The following FAM83F variants were observed in gnomAD, a reference collection of about 807,000 sequenced individuals.
FAM83F encodes scaffolding CK1 anchoring protein F.
FAM83F carries 45 observed loss-of-function variants against 42.9 expected under a neutral mutation model. The ratio of observed to expected loss-of-function variants is 1.05; its 90% CI spans 0.83 to 1.35. The LOEUF (loss-of-function observed/expected upper bound fraction) is 1.35, where lower values mean the gene tolerates loss of function less well. Among genes scored for constraint, FAM83F ranks in the 40% most tolerant of loss-of-function variants. The pLI, the probability that FAM83F is intolerant of heterozygous loss-of-function variation, is 0.00. For missense variants in FAM83F, 617 were observed against 695.9 expected (o/e 0.89, Z 1.28); for synonymous variants, 306 against 298.3 (o/e 1.03, Z -0.27).
chr22:40,008,684 A>G (rs1033763214), intron 1 of FAM83F, among the ~76,000 whole-genome samples: 2 of 152,212 alleles, frequency 1.3e-5, no homozygotes, highest in Non-Finnish European at 2.9e-5. Context: ...CCTTTGCTGA[A>G]TTCGAGTCTT....
At chr22:40,026,497 G>A (rs1341402729) in intron 4 of FAM83F, among the ~76,000 whole-genome samples, 1 of 152,152 alleles carries the variant, frequency 6.6e-6, no homozygotes, top group Non-Finnish European at 1.5e-5. Flanking sequence ...TCCAGCCTGG[G>A]TGACACAGTA....
At chr22:40,014,318 C>T (rs2067483328) in intron 1 of FAM83F, among the ~76,000 whole-genome samples, 1 of 151,574 alleles carries the variant, frequency 6.6e-6, no homozygotes, top group Non-Finnish European at 1.5e-5. Flanking sequence ...AAGGAAGATC[C>T]CTCTTATTCC....
Position 40,029,787 on chromosome 22 carries a change from T to C in FAM83F, c.*222T>C, listed in dbSNP as rs1309561548. Reference sequence around the variant, plus strand: ...CGGACTGTCGGTGGCTGGGCAGGGGTCAGTGCCACGGCCTCCTTGTTTACA... The same window carrying C: ...CGGACTGTCGGTGGCTGGGCAGGGGCCAGTGCCACGGCCTCCTTGTTTACA... On this transcript the variant is annotated 3_prime_UTR_variant, in exon 5 of 5. Coordinates refer to ENST00000333407, the MANE Select transcript of FAM83F (RefSeq NM_138435.4). The C allele has an allele frequency of 1.0e-5, 6 of 592,326 alleles. No homozygotes were observed. In the African/African-American group the frequency reaches 1.1e-4, roughly 11 times the overall value. The allele number at this position is 592,326 out of a possible 1,614,324, so 36.7% of individuals were successfully genotyped here. A position where few individuals can be genotyped will look rare whatever the true frequency, so the allele number is the denominator to read the frequency against.
intron 1 of FAM83F, among the ~76,000 whole-genome samples, chr22:40,013,088 A>C (rs1171075188): frequency 6.7e-6 from 1 of 149,278 alleles, no homozygotes; most frequent in Non-Finnish European, 1.5e-5. Context: ...GTTTCAAAAA[A>C]AAAAAAAAAA....
Position 40,021,671 on chromosome 22 carries a change from C to T in FAM83F, c.1161C>T (p.Pro387=), listed in dbSNP as rs776961253. 1.1e-5 allele frequency: 17 copies of T among 1,610,750 alleles called. No homozygotes were observed. The highest frequency in any genetic ancestry group is 5.3e-5 in the African/African-American group (4 of 74,874). ...TTACGGTGGAGCAGGTGCTGCCCCCCGTGGAGCCCATCCCCTTGGGAGAGC... is the reference window on the plus strand; with the variant it reads ...TTACGGTGGAGCAGGTGCTGCCCCCTGTGGAGCCCATCCCCTTGGGAGAGC... ...DLVTVEQVLP[P]VEPIPLGELS... Residue 387 remains proline (P), a synonymous_variant, in exon 4 of 5, where the codon CCC becomes CCT. Transcript: ENST00000333407. This position sits in a 1 kb window ranked among gnomAD's most constrained non-coding sequence, Gnocchi z 8.7.
Position 40,029,536 on chromosome 22 carries a change from G to C in FAM83F, c.1474G>C (p.Ala492Pro), listed in dbSNP as rs1443885988. The change falls in exon 5 of 5, where the codon GCC (alanine) becomes CCC (proline). Residue 492 changes from alanine (A) to proline (P), a missense_variant. Transcript: ENST00000333407. ...TGCAGGTAAAACAAGTCCCAGTTCT[G>C]CCAAGCCTAGCAACTGTGTGATTTC... ...DISGKTSPSS[A>P]KPSNCVIS 6.2e-7 allele frequency: 1 copy of C among 1,612,556 alleles called. No homozygotes were observed. Among genetic ancestry groups the C allele is most frequent in the Non-Finnish European group, 8.5e-7 (1 of 1,179,364 alleles).
At chr22:40,004,470 T>A (rs1257987357) in intron 1 of FAM83F, among the ~76,000 whole-genome samples, 1 of 151,974 alleles carries the variant, frequency 6.6e-6, no homozygotes, top group Non-Finnish European at 1.5e-5. Flanking sequence ...ACCTGGCTAA[T>A]TTTTGTATTT....
In FAM83F at chr22:40,004,529, C is replaced by G. The variant is rs2067418539; in HGVS notation, c.489+8998C>G. Among the ~76,000 whole-genome samples the G allele has an allele frequency of 2.6e-5, 4 of 152,116 alleles. No homozygotes were observed. In the South Asian group the frequency reaches 6.2e-4, roughly 24 times the overall value. On this transcript the variant is annotated intron_variant, in intron 1 of 4. Coordinates refer to ENST00000333407, the MANE Select transcript of FAM83F (RefSeq NM_138435.4). ...TGTTGCCCAGGCTGGCCTTGAACTC[C>G]TGACTTCAGGTGATCCACCCGTCTC...
intron 1 of FAM83F, among the ~76,000 whole-genome samples, chr22:40,015,674 G>A (rs2067488996): frequency 6.6e-6 from 1 of 152,186 alleles, no homozygotes; most frequent in Non-Finnish European, 1.5e-5. Context: ...TTCTCTGGGT[G>A]CCAAAGGCTT....
chr22:40,041,569 T>C lies in FAM83F; in HGVS notation c.*12004T>C, dbSNP rs1352070518. 6.6e-6 allele frequency: 1 copy of C among 152,180 alleles called. No homozygotes were observed. Among genetic ancestry groups the C allele is most frequent in the Non-Finnish European group, 1.5e-5 (1 of 68,036 alleles). 9.4% of individuals were successfully genotyped at this position (152,180 alleles called of 1,614,324 possible). On this transcript the variant is annotated 3_prime_UTR_variant, in exon 5 of 5. Coordinates refer to ENST00000333407, the MANE Select transcript of FAM83F (RefSeq NM_138435.4). Reference sequence around the variant, plus strand: ...AACCCATCTTCTCCACAATAAATATTTGATTGACAGATTGGCTTCCTTCCT... The same window carrying C: ...AACCCATCTTCTCCACAATAAATATCTGATTGACAGATTGGCTTCCTTCCT...
At position 40,032,027 on chromosome 22, in the gene FAM83F, C is replaced by T. The variant is rs565382445; in HGVS notation, c.*2462C>T. On this transcript the variant is annotated 3_prime_UTR_variant, in exon 5 of 5. Coordinates refer to ENST00000333407, the MANE Select transcript of FAM83F (RefSeq NM_138435.4). ...ATCTCAAGGGTACATCTGGCCCTCC[C>T]AGTTGGATGGCAAGTTCAAGGGTGG... 1.0e-4 allele frequency: 16 copies of T among 152,482 alleles called. No homozygotes were observed. The highest frequency in any genetic ancestry group is 9.8e-4 in the Admixed American group (15 of 15,300). The allele number at this position is 152,482 out of a possible 1,614,324, so 9.4% of individuals were successfully genotyped here.
chr22:40,011,137 G>A (rs1313028390), intron 1 of FAM83F, among the ~76,000 whole-genome samples: 1 of 152,178 alleles, frequency 6.6e-6, no homozygotes, highest in Non-Finnish European at 1.5e-5. Flanking sequence ...TATGTCCTCA[G>A]ACATCTTTGT....
intron 4 of FAM83F, 33 bp from the exon 5 acceptor site, chr22:40,029,483 A>G (rs1336156195): frequency 1.9e-6 from 3 of 1,597,076 alleles, no homozygotes; most frequent in East Asian, 2.3e-5. Flanking sequence ...TTTCACTTAC[A>G]TCCTTCCCCG....
At chr22:40,001,426 C>CT (rs1465620645) in intron 1 of FAM83F, among the ~76,000 whole-genome samples, 3 of 152,112 alleles carry the variant, frequency 2.0e-5, no homozygotes, top group Non-Finnish European at 4.4e-5. Context: ...ATCGCTTGAG[C>CT]TGAAGAATTT....
chr22:40,003,813 C>T (rs574578265), intron 1 of FAM83F, among the ~76,000 whole-genome samples: 72 of 152,230 alleles, frequency 4.7e-4, no homozygotes, highest in African/African-American at 1.7e-3. Context: ...ATATGCACGC[C>T]GGGGCACAGC....
At position 39,995,507 on chromosome 22, in the gene FAM83F, G is replaced by A. The variant is rs773314476; in HGVS notation, c.465G>A (p.Arg155=). ...CGCCGCACCTCAAGCAGGTGGTCAGGCAGATGATCCAACAGGCCCAGAAGG... is the reference window on the plus strand; with the variant it reads ...CGCCGCACCTCAAGCAGGTGGTCAGACAGATGATCCAACAGGCCCAGAAGG... The part of the protein sequence containing the change: ...EKAPHLKQVV[R]QMIQQAQKVI... Residue 155 remains arginine, a synonymous_variant, in exon 1 of 5, where the codon AGG becomes AGA. Coordinates refer to ENST00000333407, the MANE Select transcript of FAM83F (RefSeq NM_138435.4). The surrounding 1 kb of genome is among the most constrained non-coding windows in gnomAD (Gnocchi z 4.6). The A allele has an allele frequency of 3.2e-6, 5 of 1,574,848 alleles. No homozygotes were observed. Among genetic ancestry groups the A allele is most frequent in the Admixed American group, 1.8e-5 (1 of 55,552 alleles).
chr22:40,029,298 G>T (rs1353792330), intron 4 of FAM83F, among the ~76,000 whole-genome samples: 1 of 152,126 alleles, frequency 6.6e-6, no homozygotes, highest in Admixed American at 6.6e-5. Flanking sequence ...GTCCCACCCA[G>T]TGGGGCTCCT....
intron 1 of FAM83F, among the ~76,000 whole-genome samples, chr22:40,001,418 C>G (rs951180313): frequency 1.3e-5 from 2 of 152,142 alleles, no homozygotes; most frequent in Non-Finnish European, 2.9e-5. Context: ...GCGGGCAGAT[C>G]GCTTGAGCTG....
At chr22:40,029,434 A>C in intron 4 of FAM83F, 82 bp from the exon 5 acceptor site, 1 of 1,525,268 alleles carries the variant, frequency 6.6e-7, no homozygotes, top group Non-Finnish European at 8.9e-7. Context: ...AGATGTGGAC[A>C]GCACACAGGG....
Sources: allele counts gnomAD v4.1 joint callset (sites outside exome capture counted in the v4.1 genomes callset), GRCh38; gene constraint gnomAD v4.1.1; non-coding constraint Gnocchi (gnomAD v3.1); transcripts MANE v1.5; gene names NCBI Gene and HGNC (gene_info 2026-07-23, HGNC 2026-07-21).